OCA2: variants seen among roughly 807,000 people sequenced by gnomAD.
The protein encoded by OCA2 is P protein.
In OCA2, 77 loss-of-function variants were observed where a neutral mutation model predicts 100.2. The ratio of observed to expected loss-of-function variants is 0.77; its 90% CI spans 0.64 to 0.93. The LOEUF (loss-of-function observed/expected upper bound fraction) is 0.93, where lower values mean the gene tolerates loss of function less well. Among genes scored for constraint, OCA2 ranks in the 40% least tolerant of loss-of-function variants. The pLI, the probability that OCA2 is intolerant of heterozygous loss-of-function variation, is 0.00. For synonymous variants in OCA2, 432 were observed against 439.2 expected (o/e 0.98, Z 0.21); for missense variants, 1,062 against 1,089.1 (o/e 0.98, Z 0.35).
At chr15:28,006,190 A>G (rs997071987) in intron 9 of OCA2, among the ~76,000 whole-genome samples, 1 of 151,976 alleles carries the variant, frequency 6.6e-6, no homozygotes, top group Admixed American at 6.5e-5. Flanking sequence ...CACCATCATC[A>G]TTTTCTTTGA....
At chr15:27,807,984 G>A (rs1048945044) in intron 23 of OCA2, among the ~76,000 whole-genome samples, 2 of 152,216 alleles carry the variant, frequency 1.3e-5, no homozygotes, top group African/African-American at 4.8e-5. Flanking sequence ...CTTCACACGT[G>A]CCTGTGTGTG....
chr15:27,935,611 A>G (rs894391074), intron 18 of OCA2, among the ~76,000 whole-genome samples: 1 of 152,196 alleles, frequency 6.6e-6, no homozygotes, highest in Non-Finnish European at 1.5e-5. Flanking sequence ...TGCTGGGGTG[A>G]AGCCAGGATT....
chr15:27,895,929 G>T, intron 19 of OCA2: 2 of 645,638 alleles, frequency 3.1e-6, no homozygotes, highest in African/African-American at 1.8e-5. Context: ...ATGATAGTAC[G>T]CACAGCATAT....
At chr15:27,728,577 T>C in the OCA2 span, among the ~76,000 whole-genome samples, 1 of 152,182 alleles carries the variant, frequency 6.6e-6, no homozygotes, top group Non-Finnish European at 1.5e-5. Flanking sequence ...CACACGTACA[T>C]CATGGGGATT....
In OCA2 at chr15:28,043,676, G is replaced by GA. The variant is rs749988567; in HGVS notation, c.228-11514dup. On this transcript the variant is annotated intron_variant, in intron 2 of 23. Transcript: ENST00000354638. The surrounding 1 kb of genome is among the most constrained non-coding windows in gnomAD (Gnocchi z 4.4). ...GTATTGGAAGGATTGTTTTCAGGCA[G>GA]AAAAAACCCGAGGGAAGAAATCAGA... 2.7e-4 allele frequency among the ~76,000 whole-genome samples: 41 copies of GA among 152,154 alleles called. No homozygotes were observed. The highest frequency in any genetic ancestry group is 4.0e-4 in the Non-Finnish European group (27 of 68,028).
chr15:27,770,870 C>G (rs1211205569), intron 23 of OCA2, among the ~76,000 whole-genome samples: 3 of 135,780 alleles, frequency 2.2e-5, no homozygotes, highest in African/African-American at 1.0e-4. Flanking sequence ...TCCTTCCTTC[C>G]CTCCTTCCTT....
chr15:27,979,614 G>C (rs1205082207), intron 14 of OCA2, among the ~76,000 whole-genome samples: 1 of 151,624 alleles, frequency 6.6e-6, no homozygotes, highest in Non-Finnish European at 1.5e-5. Context: ...GGTTGCTTTA[G>C]AGTTTATCAT....
intron 18 of OCA2, among the ~76,000 whole-genome samples, chr15:27,947,255 C>T (rs2039871409): frequency 6.6e-6 from 1 of 152,238 alleles, no homozygotes; most frequent in Admixed American, 6.5e-5. Flanking sequence ...AAAGCTCTCC[C>T]TTGGCCCCTG....
At chr15:27,945,993 CAAA>C (rs984358209) in intron 18 of OCA2, among the ~76,000 whole-genome samples, 3 of 152,008 alleles carry the variant, frequency 2.0e-5, no homozygotes, top group African/African-American at 7.2e-5. Flanking sequence ...TAAAAAAATT[CAAA>C]AAACCCTGAC....
At chr15:27,913,725 C>T (rs1478821953) in intron 19 of OCA2, among the ~76,000 whole-genome samples, 2 of 149,860 alleles carry the variant, frequency 1.3e-5, no homozygotes, top group Admixed American at 1.3e-4. Context: ...GAGCTGGTAC[C>T]ATTCTATGAG....
chr15:28,022,965 A>T (rs2042641307), intron 5 of OCA2, among the ~76,000 whole-genome samples: 1 of 152,236 alleles, frequency 6.6e-6, no homozygotes, highest in Admixed American at 6.5e-5. Flanking sequence ...AAAGTAAATT[A>T]AACTGATGAT....
intron 19 of OCA2, among the ~76,000 whole-genome samples, chr15:27,886,750 T>C (rs982401917): frequency 6.6e-6 from 1 of 152,178 alleles, no homozygotes; most frequent in Non-Finnish European, 1.5e-5. Flanking sequence ...TCCAAGGAAC[T>C]TCCAGTCCAG....
intron 16 of OCA2, among the ~76,000 whole-genome samples, chr15:27,956,205 C>A (rs1267714708): frequency 6.6e-6 from 1 of 152,004 alleles, no homozygotes; most frequent in African/African-American, 2.4e-5. Context: ...CAAAATTAGC[C>A]AGGAGGGTTG....
intron 19 of OCA2, among the ~76,000 whole-genome samples, chr15:27,920,513 A>T (rs979899634): frequency 2.6e-5 from 4 of 152,172 alleles, no homozygotes. Context: ...TATGCAAAAA[A>T]TAAAGGAAAG....
At chr15:27,886,561 A>G (rs1316448976) in intron 19 of OCA2, among the ~76,000 whole-genome samples, 1 of 152,270 alleles carries the variant, frequency 6.6e-6, no homozygotes, top group Non-Finnish European at 1.5e-5. Flanking sequence ...AACAAGATGC[A>G]AAGAAACTTT....
chr15:27,762,057 G>T (rs574715378), intron 23 of OCA2, among the ~76,000 whole-genome samples: 17 of 152,296 alleles, frequency 1.1e-4, no homozygotes, highest in African/African-American at 2.9e-4. Context: ...CTTTATATTT[G>T]TATAAATGTA....
chr15:27,728,513 C>T, the OCA2 span, among the ~76,000 whole-genome samples: 48 of 152,280 alleles, frequency 3.2e-4, no homozygotes, highest in South Asian at 2.3e-3. Context: ...TCCCTTTCGG[C>T]GCAAGCTGGC....
At chr15:27,938,897 C>T (rs2039550636) in intron 18 of OCA2, among the ~76,000 whole-genome samples, 1 of 152,158 alleles carries the variant, frequency 6.6e-6, no homozygotes, top group African/African-American at 2.4e-5. Context: ...CCGAGGACTG[C>T]ACAGGCTCAT....
chr15:28,052,901 C>T (rs1253815631), intron 2 of OCA2, among the ~76,000 whole-genome samples: 1 of 152,092 alleles, frequency 6.6e-6, no homozygotes, highest in Non-Finnish European at 1.5e-5. Context: ...TACTCAGGCA[C>T]GTAAGACTCT....
Sources: allele counts gnomAD v4.1 joint callset (sites outside exome capture counted in the v4.1 genomes callset), GRCh38; gene constraint gnomAD v4.1.1; non-coding constraint Gnocchi (gnomAD v3.1); transcripts MANE v1.5; gene names NCBI Gene and HGNC (gene_info 2026-07-23, HGNC 2026-07-21).